DHDDS: variants seen among roughly 807,000 people sequenced by gnomAD.
The protein encoded by DHDDS is dehydrodolichyl diphosphate synthase complex subunit DHDDS.
A neutral mutation model predicts 46.2 loss-of-function variants in DHDDS; 16 were observed. That is an observed-to-expected ratio of 0.35 (90% CI 0.23 to 0.53). The LOEUF is 0.53. Ranked by LOEUF, DHDDS falls within the 20% of genes least tolerant of loss-of-function variation. The probability of loss-of-function intolerance (pLI) is 0.94; values close to 1 mark genes in which losing one functional copy is unlikely to be tolerated. For synonymous variants in DHDDS, 151 were observed against 163.1 expected, an observed-to-expected ratio of 0.93 and a Z score of 0.56; for missense variants, 340 against 423.7, an observed-to-expected ratio of 0.80 and a Z score of 1.73.
intron 8 of DHDDS, chr1:26,467,033 C>T: frequency 4.7e-6 from 1 of 211,600 alleles, no homozygotes; most frequent in African/African-American, 2.3e-5. Context: ...TCTCCCTGCC[C>T]CCCACACACC....
At chr1:26,467,205 A>G in intron 8 of DHDDS, 1 of 407,374 alleles carries the variant, frequency 2.5e-6, no homozygotes, top group Non-Finnish European at 5.3e-6. Flanking sequence ...CTCTGTGTGC[A>G]TGGCTGTACA....
rs888547638 is a variant in DHDDS at position 26,438,387 on chromosome 1, T to C, written c.180+103T>C. On this transcript the variant is annotated intron_variant, in intron 3 of 8. Coordinates refer to ENST00000236342, the MANE Select transcript of DHDDS (RefSeq NM_205861.3). ...TGCTGTGGTTGGAGAGTGTTTTTTG[T>C]ATCTGTCTCTGTGTTTTATTGTTTG... 4.8e-6 allele frequency: 5 copies of C among 1,032,422 alleles called. No individual in the cohort carries two copies. In the African/African-American group the frequency reaches 7.9e-5, roughly 16 times the overall value. 64.0% of individuals were successfully genotyped at this position (1,032,422 alleles called of 1,614,324 possible).
intron 2 of DHDDS, among the ~76,000 whole-genome samples, chr1:26,434,495 G>A (rs2075133927): frequency 6.6e-6 from 1 of 152,174 alleles, no homozygotes; most frequent in Non-Finnish European, 1.5e-5. Flanking sequence ...TTTGGGGGCT[G>A]GAAAGGCTGT....
chr1:26,436,976 C>G (rs1033955706), intron 2 of DHDDS, among the ~76,000 whole-genome samples: 12 of 151,726 alleles, frequency 7.9e-5, no homozygotes, highest in African/African-American at 2.9e-4. Context: ...CGCCACCATC[C>G]TGGCTAACAC....
intron 2 of DHDDS, among the ~76,000 whole-genome samples, chr1:26,435,220 C>T (rs2075142043): frequency 6.6e-6 from 1 of 151,596 alleles, no homozygotes. Flanking sequence ...CCATTTTGGC[C>T]AGGCTGGTCT....
chr1:26,437,156 C>T (rs186284083), intron 2 of DHDDS, among the ~76,000 whole-genome samples: 324 of 151,740 alleles, frequency 2.1e-3, no homozygotes, highest in African/African-American at 7.0e-3. Flanking sequence ...GGCGACAGAG[C>T]GAGACTCCTT....
chr1:26,462,834 AGAGG>A (rs1332565801), intron 8 of DHDDS: 1 of 152,248 alleles, frequency 6.6e-6, no homozygotes, highest in Non-Finnish European at 1.5e-5. Flanking sequence ...ACAGGTAGCC[AGAGG>A]GACAAGATCT....
At chr1:26,456,850 G>A (rs1259563835) in intron 6 of DHDDS, among the ~76,000 whole-genome samples, 2 of 152,150 alleles carry the variant, frequency 1.3e-5, no homozygotes, top group East Asian at 3.8e-4. Flanking sequence ...ACGTGTGAAT[G>A]TTTGAATGTG....
chr1:26,440,237 T>C (rs1570335261), intron 3 of DHDDS, among the ~76,000 whole-genome samples: 1 of 152,194 alleles, frequency 6.6e-6, no homozygotes, highest in Admixed American at 6.5e-5. Flanking sequence ...GGCCGTGATA[T>C]TTTTTTCCTT....
chr1:26,460,291 C>T, intron 8 of DHDDS, 147 bp downstream of exon 8: 2 of 726,562 alleles, frequency 2.8e-6, no homozygotes, highest in South Asian at 1.5e-5. Context: ...GTATCTACTA[C>T]TTGTCAGGCA....
At chr1:26,452,035 T>A (rs1038679509) in intron 6 of DHDDS, among the ~76,000 whole-genome samples, 1 of 149,972 alleles carries the variant, frequency 6.7e-6, no homozygotes, top group African/African-American at 2.5e-5. Flanking sequence ...GTGTGAGCCA[T>A]AGCACCTGGC....
At chr1:26,454,130 T>G (rs542255253) in intron 6 of DHDDS, among the ~76,000 whole-genome samples, 3 of 152,136 alleles carry the variant, frequency 2.0e-5, no homozygotes, top group Non-Finnish European at 4.4e-5. Context: ...ATTTTTTGTA[T>G]TTTTAGTAGA....
At chr1:26,432,702 G>A in intron 1 of DHDDS, 189 bp from the exon 2 acceptor site, 1 of 553,392 alleles carries the variant, frequency 1.8e-6, no homozygotes, top group Non-Finnish European at 3.2e-6. Flanking sequence ...GGAGAACCGA[G>A]GAAAGGCTTT....
At chr1:26,447,704 C>G in intron 6 of DHDDS, 44 bp downstream of exon 6, 1 of 1,555,944 alleles carries the variant, frequency 6.4e-7, no homozygotes, top group Non-Finnish European at 8.9e-7. Context: ...GGAAAACAGG[C>G]CTGGGCCAGC....
chr1:26,446,566 G>C, intron 5 of DHDDS, 134 bp downstream of exon 5: 1 of 779,158 alleles, frequency 1.3e-6, no homozygotes, highest in South Asian at 1.4e-5. Context: ...GCAGCTTAGA[G>C]ACTTTCTCCG....
At position 26,442,715 on chromosome 1, in the gene DHDDS, C is replaced by A. The variant is rs1462542158; in HGVS notation, c.181-16C>A. On this transcript the variant is annotated splice_polypyrimidine_tract_variant and intron_variant, in intron 3 of 8. Transcript: ENST00000236342. ...CTCTTCCTTGTATCCTAGCTCCTTGCCTTCTCCCCTCTCAGACTCTGCGGT... is the reference window on the plus strand; with the variant it reads ...CTCTTCCTTGTATCCTAGCTCCTTGACTTCTCCCCTCTCAGACTCTGCGGT... The A allele has an allele frequency of 6.8e-6, 11 of 1,613,924 alleles. No individual in the cohort carries two copies. The highest frequency in any genetic ancestry group is 2.2e-5 in the East Asian group (1 of 44,894).
Position 26,442,648 on chromosome 1 carries a change from T to TC in DHDDS, c.181-82dup, listed in dbSNP as rs2075229739. 7.7e-6 allele frequency: 12 copies of TC among 1,564,688 alleles called. No homozygotes were observed. In the South Asian group the frequency reaches 1.3e-4, roughly 17 times the overall value. On this transcript the variant is annotated intron_variant, in intron 3 of 8. Coordinates refer to ENST00000236342, the MANE Select transcript of DHDDS (RefSeq NM_205861.3). The stretch of plus-strand genomic sequence containing the variant: ...GAAAAGTCTGTCTCCTATCTCCAAC[T>TC]CTGAGTCAGGACCAAAAAGTATCTC...
intron 2 of DHDDS, among the ~76,000 whole-genome samples, chr1:26,437,796 G>GAA (rs886306490): frequency 8.6e-5 from 11 of 127,536 alleles, no homozygotes; most frequent in African/African-American, 2.8e-4. Context: ...CTTAAAAAAA[G>GAA]AAAAAAAAAA....
intron 7 of DHDDS, among the ~76,000 whole-genome samples, chr1:26,458,251 C>T (rs997325059): frequency 5.9e-5 from 9 of 152,202 alleles, no homozygotes; most frequent in African/African-American, 1.7e-4. Flanking sequence ...AGTTACTAGT[C>T]CCTCCCCTTC....
Sources: allele counts gnomAD v4.1 joint callset (sites outside exome capture counted in the v4.1 genomes callset), GRCh38; gene constraint gnomAD v4.1.1; transcripts MANE v1.5; gene names NCBI Gene and HGNC (gene_info 2026-07-23, HGNC 2026-07-21).